Variants in MARK2 observed in about 807,000 individuals in gnomAD.
The protein encoded by MARK2 is serine/threonine-protein kinase MARK2.
Under a neutral mutation model 89.8 loss-of-function variants are expected in MARK2, and 16 were observed. The ratio of observed to expected loss-of-function variants is 0.18; its 90% CI spans 0.12 to 0.27. The LOEUF (loss-of-function observed/expected upper bound fraction) is 0.27, where lower values mean the gene tolerates loss of function less well. MARK2 is among the 10% of genes least tolerant of loss of function. The pLI, the probability that MARK2 is intolerant of heterozygous loss-of-function variation, is 1.00. For missense variants in MARK2, 621 were observed against 1,049.9 expected (o/e 0.59, Z 5.65); for synonymous variants, 382 against 399.5 (o/e 0.96, Z 0.52).
chr11:63,875,023 T>C (rs1938661745), intron 1 of MARK2, among the ~76,000 whole-genome samples: 1 of 152,040 alleles, frequency 6.6e-6, no homozygotes, highest in South Asian at 2.1e-4. Context: ...TAATCAAGGC[T>C]CACTGCAGCC....
Position 63,900,851 on chromosome 11 carries a change from C to G in MARK2, c.960C>G (p.Leu320=). The G allele has an allele frequency of 6.2e-7, 1 of 1,614,154 alleles. No homozygotes were observed. The highest frequency in any genetic ancestry group is 8.5e-7 in the Non-Finnish European group (1 of 1,180,010). ...DDELKPYVEP[L]PDYKDPRRTE... ...AACTAAAGCCTTACGTGGAGCCACT[C>G]CCTGACTACAAGGACCCCCGGCGGA... The change falls in exon 10 of 19, where the codon CTC becomes CTG. Residue 320 remains leucine, a synonymous_variant. Transcript: ENST00000402010. The surrounding 1 kb of genome is among the most constrained non-coding windows in gnomAD (Gnocchi z 4.7).
intron 1 of MARK2, among the ~76,000 whole-genome samples, chr11:63,850,663 G>T (rs1388083703): frequency 6.6e-6 from 1 of 152,106 alleles, no homozygotes. Flanking sequence ...TGGATGTGCA[G>T]CCTCATCCGT....
chr11:63,901,422 G>GGTGT (rs147425490), intron 11 of MARK2, among the ~76,000 whole-genome samples: 3 of 139,696 alleles, frequency 2.1e-5, no homozygotes, highest in Admixed American at 7.5e-5. Flanking sequence ...TACATTTCTG[G>GGTGT]GTGTGTGTGT....
intron 1 of MARK2, among the ~76,000 whole-genome samples, chr11:63,877,965 A>G (rs952746081): frequency 2.0e-5 from 3 of 152,236 alleles, no homozygotes; most frequent in East Asian, 1.9e-4. Context: ...TGATCTGGCA[A>G]GCTGGCCAGG....
At chr11:63,888,432 GCCAGCTGTTAC>G in intron 1 of MARK2, 1 of 712,316 alleles carries the variant, frequency 1.4e-6, no homozygotes, top group African/African-American at 2.0e-5. Flanking sequence ...TCGACCTCTC[GCCAGCTGTTAC>G]CCAGCAAAGC....
At chr11:63,861,389 C>T (rs947672843) in intron 1 of MARK2, among the ~76,000 whole-genome samples, 2 of 152,016 alleles carry the variant, frequency 1.3e-5, no homozygotes, top group Non-Finnish European at 2.9e-5. Flanking sequence ...GAGCTGAGAT[C>T]GCACCACTGC....
chr11:63,845,671 G>A (rs1303408697), intron 1 of MARK2, among the ~76,000 whole-genome samples: 1 of 152,272 alleles, frequency 6.6e-6, no homozygotes, highest in East Asian at 1.9e-4. Flanking sequence ...CTCCTGAGCA[G>A]AATGTTACTG....
intron 1 of MARK2, among the ~76,000 whole-genome samples, chr11:63,865,665 A>G (rs7952270): frequency 0.093 from 14,201 of 152,218 alleles, 913 homozygotes; most frequent in South Asian, 0.22. Flanking sequence ...TCCCAGGGAG[A>G]AAAATCTCTA....
chr11:63,879,888 G>A (rs1246321508), intron 1 of MARK2, among the ~76,000 whole-genome samples: 1 of 152,102 alleles, frequency 6.6e-6, no homozygotes, highest in East Asian at 1.9e-4. Flanking sequence ...GGAGGAGTAG[G>A]GAGGCAGTAT....
chr11:63,877,200 C>T (rs1332896422), intron 1 of MARK2, among the ~76,000 whole-genome samples: 1 of 150,072 alleles, frequency 6.7e-6, no homozygotes, highest in Non-Finnish European at 1.5e-5. Context: ...GCCTCGACCT[C>T]CCCAGGCACA....
intron 1 of MARK2, among the ~76,000 whole-genome samples, chr11:63,885,338 G>A (rs566730910): frequency 1.3e-4 from 19 of 150,184 alleles, no homozygotes; most frequent in African/African-American, 4.7e-4. Context: ...GTTGAGTTCA[G>A]TACCAGCCTG....
Position 63,898,228 on chromosome 11 carries a change from C to A in MARK2, c.289-4C>A. 1 of 1,613,428 alleles carries A rather than the reference C, an allele frequency of 6.2e-7. No individual in the cohort carries two copies. On this transcript the variant is annotated splice_region_variant and splice_polypyrimidine_tract_variant and intron_variant, in intron 3 of 18. Transcript: ENST00000402010. Reference sequence around the variant, plus strand: ...GGCATGACCCCTGGTATTTTATCTTCCAGCTATTCCGCGAAGTAAGAATAA... The same window carrying A: ...GGCATGACCCCTGGTATTTTATCTTACAGCTATTCCGCGAAGTAAGAATAA...
chr11:63,857,888 G>A (rs891388463), intron 1 of MARK2, among the ~76,000 whole-genome samples: 11 of 151,950 alleles, frequency 7.2e-5, no homozygotes, highest in African/African-American at 2.2e-4. Context: ...TGTCACCCGG[G>A]TTAGAGTGGA....
At chr11:63,905,308 C>T (rs1021548915) in intron 16 of MARK2, among the ~76,000 whole-genome samples, 1 of 152,234 alleles carries the variant, frequency 6.6e-6, no homozygotes, top group African/African-American at 2.4e-5. Context: ...GCCGCCTCCT[C>T]TCTAGGAGAG....
At chr11:63,882,291 T>TA (rs1324489706) in intron 1 of MARK2, among the ~76,000 whole-genome samples, 1 of 151,746 alleles carries the variant, frequency 6.6e-6, no homozygotes, top group Non-Finnish European at 1.5e-5. Flanking sequence ...TTTAATCTTT[T>TA]AAAAAATATG....
At chr11:63,871,135 C>T (rs532811766) in intron 1 of MARK2, among the ~76,000 whole-genome samples, 12 of 152,142 alleles carry the variant, frequency 7.9e-5, no homozygotes, top group African/African-American at 2.4e-4. Flanking sequence ...TGTGTGTGTA[C>T]GTGCGTGCAT....
intron 1 of MARK2, among the ~76,000 whole-genome samples, chr11:63,871,626 G>C (rs1363705064): frequency 6.9e-6 from 1 of 145,224 alleles, no homozygotes; most frequent in Admixed American, 6.8e-5. Flanking sequence ...ACTGTGTGCA[G>C]GTGTGGGTGA....
At chr11:63,857,379 C>T (rs1156854146) in intron 1 of MARK2, among the ~76,000 whole-genome samples, 1 of 151,928 alleles carries the variant, frequency 6.6e-6, no homozygotes, top group African/African-American at 2.4e-5. Context: ...AGGCTGGTCT[C>T]CATGTTGGTC....
chr11:63,902,889 C>A lies in MARK2; in HGVS notation c.1416+107C>A. 8.9e-7 allele frequency: 1 copy of A among 1,128,494 alleles called. No individual in the cohort carries two copies. The highest frequency in any genetic ancestry group is 1.9e-5 in the Admixed American group (1 of 52,742). The allele number at this position is 1,128,494 out of a possible 1,614,324, so 69.9% of individuals were successfully genotyped here. A position where few individuals can be genotyped will look rare whatever the true frequency, so the allele number is the denominator to read the frequency against. On this transcript the variant is annotated intron_variant, in intron 13 of 18. Coordinates refer to ENST00000402010, the MANE Select transcript of MARK2 (RefSeq NM_001039469.3). This position sits in a 1 kb window ranked among gnomAD's most constrained non-coding sequence, Gnocchi z 4.2. ...CTGTTCCCTTTGGCTACTACTTCTG[C>A]TTATAGCAGGAAGCCTCGCTCCCAG...
Sources: gnomAD v4.1 joint callset for allele counts (sites outside exome capture counted in the v4.1 genomes callset) on GRCh38, gnomAD v4.1.1 for gene constraint, Gnocchi (gnomAD v3.1) non-coding constraint, MANE v1.5 for transcripts, NCBI Gene and HGNC (gene_info 2026-07-23, HGNC 2026-07-21) for gene names.